TRIM66: variants seen among roughly 807,000 people sequenced by gnomAD.
The protein encoded by TRIM66 is tripartite motif containing 66, also known as tripartite motif-containing protein 66.
In TRIM66, 99 loss-of-function variants were observed where a neutral mutation model predicts 148.2. The observed-to-expected ratio is 0.67, with a 90% CI of 0.57 to 0.79. The LOEUF (loss-of-function observed/expected upper bound fraction) is 0.79. Among genes scored for constraint, TRIM66 ranks in the 30% least tolerant of loss-of-function variants. The probability of loss-of-function intolerance (pLI) is 0.00; values close to 1 mark genes in which losing one functional copy is unlikely to be tolerated. For missense variants in TRIM66, 1,666 were observed against 1,697.9 expected (o/e 0.98, Z 0.33); for synonymous variants, 616 against 635.9 (o/e 0.97, Z 0.47).
rs886166552 is a variant in TRIM66, at chr11:8,618,095, T to A, written c.4120-92A>T. 2.0e-5 allele frequency: 25 copies of A among 1,241,198 alleles called. No individual in the cohort carries two copies. In the Middle Eastern group the frequency reaches 1.4e-3, roughly 69 times the overall value. The allele number at this position is 1,241,198 out of a possible 1,614,324, so 76.9% of individuals were successfully genotyped here. On this transcript the variant is annotated intron_variant, in intron 24 of 24. Coordinates refer to ENST00000646038, the MANE Select transcript of TRIM66 (RefSeq NM_001388022.1). ...ATGTCAAGATTGCAGTTCTGCCAAG[T>A]CAACGTATTTTATTCTACCCTAGGA...
Position 8,672,051 on chromosome 11 carries a change from G to A in TRIM66, c.75C>T (p.Ile25=), listed in dbSNP as rs1243649146. The change falls in exon 6 of 25, where the codon ATC becomes ATT. Residue 25 remains isoleucine (I), a synonymous_variant. Transcript: ENST00000646038. ...TGCCCAGGACTGGGGCTTTTCCACTGATATCCTCAGGTGAGAAGCAGCGTG... is the reference window on the plus strand; with the variant it reads ...TGCCCAGGACTGGGGCTTTTCCACTAATATCCTCAGGTGAGAAGCAGCGTG... ...RSTRCFSPED[I]SGKAPVLGTG... 7.8e-6 allele frequency: 12 copies of A among 1,535,588 alleles called. No individual in the cohort carries two copies. Among genetic ancestry groups the A allele is most frequent in the Non-Finnish European group, 9.6e-6 (11 of 1,146,878 alleles).
At chr11:8,635,462 G>A (rs988693956) in intron 15 of TRIM66, among the ~76,000 whole-genome samples, 3 of 152,100 alleles carry the variant, frequency 2.0e-5, no homozygotes, top group African/African-American at 7.2e-5. Context: ...CAGCTCCAAG[G>A]CAACAAATTT....
At position 8,622,873 on chromosome 11, in the gene TRIM66, CA is replaced by C. The variant is rs2034436390; in HGVS notation, c.3022del (p.Cys1008ValfsTer9). 1 of 1,551,844 alleles carries C rather than the reference CA, an allele frequency of 6.4e-7. No homozygotes were observed. ...TAGGGCTCCTTGTTCAAAATTCTCACACTCTAAGGCAAAAGACAAACAAATA... is the reference window on the plus strand; with the variant it reads ...TAGGGCTCCTTGTTCAAAATTCTCACCTCTAAGGCAAAAGACAAACAAATA... ...ALQQYQNPKE[C>X]ENFEQGALEL... is the part of the protein sequence containing the mutation. On this transcript the variant is annotated frameshift_variant and splice_region_variant, in exon 18 of 25. Transcript: ENST00000646038. LOFTEE classifies it high-confidence loss of function.
At chr11:8,619,196 T>C in intron 23 of TRIM66, 187 bp downstream of exon 23, 1 of 771,096 alleles carries the variant, frequency 1.3e-6, no homozygotes, top group Non-Finnish European at 2.0e-6. Flanking sequence ...CCTCCCCTTT[T>C]TCCTGAGTCC....
At chr11:8,621,612 A>G (rs2034222178) in intron 19 of TRIM66, 33 bp downstream of exon 19, 1 of 1,483,046 alleles carries the variant, frequency 6.7e-7, no homozygotes, top group South Asian at 1.4e-5. Flanking sequence ...AGGCTGGGCC[A>G]GGGTTTAAGG....
At chr11:8,648,632 CT>C in intron 8 of TRIM66, 84 bp from the exon 9 acceptor site, 1 of 1,463,692 alleles carries the variant, frequency 6.8e-7, no homozygotes, top group South Asian at 1.3e-5. Flanking sequence ...AGCTCTCAGC[CT>C]TCAGAGGACA....
intron 22 of TRIM66, among the ~76,000 whole-genome samples, chr11:8,619,789 GC>G (rs1339524483): frequency 6.6e-6 from 1 of 152,170 alleles, no homozygotes; most frequent in Non-Finnish European, 1.5e-5. Context: ...AATGGCCATG[GC>G]CCTACGGTCC....
chr11:8,652,012 T>C (rs1379654597), intron 6 of TRIM66, 109 bp from the exon 7 acceptor site: 17 of 842,386 alleles, frequency 2.0e-5, no homozygotes, highest in Non-Finnish European at 2.5e-5. Context: ...GCAATACCCA[T>C]GTGTGCCAAA....
intron 1 of TRIM66, among the ~76,000 whole-genome samples, chr11:8,682,015 A>G (rs778434992): frequency 6.6e-6 from 1 of 151,950 alleles, no homozygotes; most frequent in Non-Finnish European, 1.5e-5. Context: ...TCCCGCCTCG[A>G]CCTCCCAAAG....
chr11:8,670,102 T>C (rs1311066916), intron 6 of TRIM66, among the ~76,000 whole-genome samples: 10 of 149,662 alleles, frequency 6.7e-5, no homozygotes, highest in African/African-American at 1.5e-4. Context: ...AACTTCCACC[T>C]CCTGGGTTCA....
intron 6 of TRIM66, among the ~76,000 whole-genome samples, chr11:8,665,238 C>A (rs1262673378): frequency 6.6e-6 from 1 of 152,176 alleles, no homozygotes; most frequent in Non-Finnish European, 1.5e-5. Flanking sequence ...AACATGGCTT[C>A]TCAAACTACA....
At chr11:8,664,342 C>G (rs1366888252) in intron 6 of TRIM66, among the ~76,000 whole-genome samples, 3 of 152,078 alleles carry the variant, frequency 2.0e-5, no homozygotes, top group Admixed American at 6.6e-5. Context: ...CAAAGATTTT[C>G]CATGGACTCT....
At chr11:8,660,009 C>G (rs1387935801) in intron 6 of TRIM66, among the ~76,000 whole-genome samples, 1 of 152,146 alleles carries the variant, frequency 6.6e-6, no homozygotes, top group Non-Finnish European at 1.5e-5. Flanking sequence ...TCCCAAGCAG[C>G]TGGGACTACA....
At chr11:8,656,392 T>C (rs2037832894) in intron 6 of TRIM66, among the ~76,000 whole-genome samples, 1 of 152,230 alleles carries the variant, frequency 6.6e-6, no homozygotes. Flanking sequence ...GTGTTTCACA[T>C]ATAAGAACAC....
intron 17 of TRIM66, among the ~76,000 whole-genome samples, chr11:8,623,158 C>T (rs1337366178): frequency 6.6e-6 from 1 of 152,236 alleles, no homozygotes; most frequent in Non-Finnish European, 1.5e-5. Context: ...GCCAGTTTCT[C>T]ACCTTCAAGA....
rs997856747 is a variant in TRIM66, at chr11:8,612,413, G to A, written c.*5531C>T. 1.4e-4 allele frequency: 21 copies of A among 152,162 alleles called. No individual in the cohort carries two copies. The highest frequency in any genetic ancestry group is 5.1e-4 in the African/African-American group (21 of 41,412). 9.4% of individuals were successfully genotyped at this position (152,162 alleles called of 1,614,324 possible). A position where few individuals can be genotyped will look rare whatever the true frequency, so the allele number is the denominator to read the frequency against. On this transcript the variant is annotated 3_prime_UTR_variant, in exon 25 of 25. Coordinates refer to ENST00000646038, the MANE Select transcript of TRIM66 (RefSeq NM_001388022.1). ...ATCATAATTAACATCTTTACAGCTGGAGAGCTGAGAGATCACTGTTCTCAG... is the reference window on the plus strand; with the variant it reads ...ATCATAATTAACATCTTTACAGCTGAAGAGCTGAGAGATCACTGTTCTCAG...
Position 8,648,069 on chromosome 11 carries a change from T to G in TRIM66, c.743A>C (p.Glu248Ala), listed in dbSNP as rs2037024588. The change falls in exon 10 of 25, where the codon GAA (glutamate) becomes GCA (alanine). Residue 248 changes from glutamate (E) to alanine (A), a missense_variant. Glu to Ala is a moderately radical substitution (Grantham distance 107, BLOSUM62 -1). Coordinates refer to ENST00000646038, the MANE Select transcript of TRIM66 (RefSeq NM_001388022.1). Reference protein sequence around the residue: ...HKEHRCRHVEEVLQNQRMLLE... With the variant: ...HKEHRCRHVEAVLQNQRMLLE... Reference sequence around the variant, plus strand: ...AAGCATCCTCTGGTTTTGCAAAACTTCTTCAACATGTCTGCACCTAGGGGA... The same window carrying G: ...AAGCATCCTCTGGTTTTGCAAAACTGCTTCAACATGTCTGCACCTAGGGGA... 6.4e-7 allele frequency: 1 copy of G among 1,551,592 alleles called. No individual in the cohort carries two copies. Among genetic ancestry groups the G allele is most frequent in the Admixed American group, 2.0e-5 (1 of 50,982 alleles).
chr11:8,644,135 A>G (rs1372243174), intron 12 of TRIM66, among the ~76,000 whole-genome samples: 1 of 152,080 alleles, frequency 6.6e-6, no homozygotes. Context: ...CAACCTCTCC[A>G]AGCCCTGCTC....
intron 20 of TRIM66, 146 bp downstream of exon 20, chr11:8,620,886 C>T: frequency 9.0e-7 from 1 of 1,113,244 alleles, no homozygotes; most frequent in South Asian, 1.7e-5. Flanking sequence ...ATACCCAGGC[C>T]CATTAACTCA....
Sources: allele counts gnomAD v4.1 joint callset (sites outside exome capture counted in the v4.1 genomes callset), GRCh38; gene constraint gnomAD v4.1.1; transcripts MANE v1.5; gene names NCBI Gene and HGNC (gene_info 2026-07-23, HGNC 2026-07-21).